Variants in ERICH3 observed in about 807,000 individuals in gnomAD.
ERICH3 encodes glutamate rich 3, also known as glutamate-rich protein 3.
In ERICH3, 126 loss-of-function variants were observed where a neutral mutation model predicts 131.1. The ratio of observed to expected loss-of-function variants is 0.96; its 90% CI spans 0.83 to 1.11. ERICH3 has a LOEUF of 1.11. Ranked by LOEUF, ERICH3 falls within the 50% of genes most tolerant of loss-of-function variation. The pLI is 0.00. For synonymous variants in ERICH3, 695 were observed against 644.6 expected, an observed-to-expected ratio of 1.08 and a Z score of -1.18; for missense variants, 2,050 against 1,810.7, an observed-to-expected ratio of 1.13 and a Z score of -2.40.
intron 1 of ERICH3, among the ~76,000 whole-genome samples, chr1:74,660,499 A>G (rs1204665168): frequency 1.3e-5 from 2 of 151,186 alleles, no homozygotes; most frequent in Admixed American, 1.3e-4. Context: ...ACAGTCTTTT[A>G]TAGATACAAA....
intron 11 of ERICH3, among the ~76,000 whole-genome samples, chr1:74,594,876 A>G (rs1391926393): frequency 1.3e-5 from 2 of 152,126 alleles, no homozygotes; most frequent in Non-Finnish European, 2.9e-5. Flanking sequence ...CCTGATTTTA[A>G]CTACTTTGTT....
chr1:74,655,694 T>C (rs1459392580), intron 1 of ERICH3, among the ~76,000 whole-genome samples: 1 of 152,178 alleles, frequency 6.6e-6, no homozygotes, highest in Non-Finnish European at 1.5e-5. Context: ...ATCCACATGC[T>C]CTGAAGGCTA....
chr1:74,576,774 A>C, intron 13 of ERICH3, 121 bp downstream of exon 13: 1 of 880,850 alleles, frequency 1.1e-6, no homozygotes, highest in South Asian at 1.8e-5. Context: ...CACTTCTTAA[A>C]AGTCATTCAA....
At chr1:74,605,297 T>G (rs924093055) in intron 10 of ERICH3, among the ~76,000 whole-genome samples, 7 of 151,946 alleles carry the variant, frequency 4.6e-5, no homozygotes, top group African/African-American at 1.4e-4. Flanking sequence ...GCTAGTTAGA[T>G]CTTCTATTGA....
Position 74,571,127 on chromosome 1 carries a change from A to G in ERICH3, c.4583T>C (p.Val1528Ala), listed in dbSNP as rs1646934684. The G allele has an allele frequency of 6.2e-7, 1 of 1,613,166 alleles. No individual in the cohort carries two copies. The highest frequency in any genetic ancestry group is 8.5e-7 in the Non-Finnish European group (1 of 1,179,582). ...SETADVSPNNVQV is the reference protein window; with the variant it reads ...SETADVSPNNAQV ...CTGCCAGCAAGTCTCCTAGACCTGC[A>G]CGTTGTTGGGGGAAACATCTGCAGT... Residue 1528 changes from valine (V) to alanine (A), a missense_variant, in exon 14 of 15, where the codon GTG becomes GCG. Coordinates refer to ENST00000326665, the MANE Select transcript of ERICH3 (RefSeq NM_001002912.5).
chr1:74,635,773 G>A (rs1420491551), intron 6 of ERICH3, among the ~76,000 whole-genome samples: 1 of 152,132 alleles, frequency 6.6e-6, no homozygotes, highest in Non-Finnish European at 1.5e-5. Context: ...AAGCTCCTAT[G>A]TGTGATAAAC....
rs562742225 is a variant in ERICH3, at chr1:74,624,527, G to C, written c.820-3613C>G. On this transcript the variant is annotated intron_variant, in intron 7 of 14. Transcript: ENST00000326665. ...TAGTTACTCTTTTCATTTTCTTTTG[G>C]GCCATTTTTCTTACTACTGTGTAAA... The C allele has an allele frequency of 3.3e-5, 5 of 151,872 alleles. No individual in the cohort carries two copies. In the East Asian group the frequency reaches 9.7e-4, roughly 29 times the overall value. The allele number at this position is 151,872 out of a possible 1,614,324, so 9.4% of individuals were successfully genotyped here. A position where few individuals can be genotyped will look rare whatever the true frequency, so the allele number is the denominator to read the frequency against.
chr1:74,630,499 G>A lies in ERICH3; in HGVS notation c.819+1214C>T, dbSNP rs116641513. ...ATTCCAGACTCCTTCATTCTGAGCT[G>A]TTCCTCCACTCTGGGTCCTAGAATT... On this transcript the variant is annotated intron_variant, in intron 7 of 14. Coordinates refer to ENST00000326665, the MANE Select transcript of ERICH3 (RefSeq NM_001002912.5). 6.5e-3 allele frequency among the ~76,000 whole-genome samples: 986 copies of A among 152,256 alleles called. 9 individuals are homozygous for A. The highest frequency in any genetic ancestry group is 0.023 in the African/African-American group (950 of 41,552).
At chr1:74,627,227 C>A (rs147766563) in intron 7 of ERICH3, among the ~76,000 whole-genome samples, 16 of 151,990 alleles carry the variant, frequency 1.1e-4, no homozygotes, top group African/African-American at 3.9e-4. Context: ...ATGACTACAT[C>A]TTGAATAGAA....
At chr1:74,588,062 T>C (rs1647415925) in intron 12 of ERICH3, among the ~76,000 whole-genome samples, 1 of 152,322 alleles carries the variant, frequency 6.6e-6, no homozygotes, top group Non-Finnish European at 1.5e-5. Context: ...TAGTAGTGGT[T>C]TGGCCCCTGG....
At chr1:74,651,799 T>C (rs1646537001) in intron 1 of ERICH3, among the ~76,000 whole-genome samples, 1 of 152,144 alleles carries the variant, frequency 6.6e-6, no homozygotes, top group African/African-American at 2.4e-5. Context: ...AACCTCAACT[T>C]CCCTATTGAC....
chr1:74,606,781 ACT>A lies in ERICH3; in HGVS notation c.1307_1308del (p.Glu436ValfsTer8). 3 of 1,612,560 alleles carry A rather than the reference ACT, an allele frequency of 1.9e-6. No individual in the cohort carries two copies. The highest frequency in any genetic ancestry group is 2.5e-6 in the Non-Finnish European group (3 of 1,179,372). On this transcript the variant is annotated frameshift_variant, in exon 10 of 15. Transcript: ENST00000326665. LOFTEE classifies it high-confidence loss of function. ...ATCTCATTTCTTTTTGGTATCACAT[ACT>A]CTCTCTCTTTCCTCACTTTCCCCTC... Reference protein sequence around the residue: ...KAEGKVRKEREYVIPKRNEIK... With the variant: ...KAEGKVRKERXYVIPKRNEIK...
At chr1:74,584,813 A>G (rs1647258287) in intron 12 of ERICH3, among the ~76,000 whole-genome samples, 1 of 152,114 alleles carries the variant, frequency 6.6e-6, no homozygotes, top group Admixed American at 6.5e-5. Context: ...TCCTCAGCAA[A>G]TATTTAGGGA....
At chr1:74,638,955 C>T (rs910557455) in intron 5 of ERICH3, among the ~76,000 whole-genome samples, 1 of 152,068 alleles carries the variant, frequency 6.6e-6, no homozygotes, top group Non-Finnish European at 1.5e-5. Context: ...GGGGAGGAGA[C>T]CCTTTTGTTT....
intron 12 of ERICH3, among the ~76,000 whole-genome samples, chr1:74,584,804 C>A (rs1291517414): frequency 6.6e-6 from 1 of 152,154 alleles, no homozygotes; most frequent in Non-Finnish European, 1.5e-5. Flanking sequence ...TAAAGCAGAT[C>A]CTCAGCAAAT....
At chr1:74,574,688 A>G (rs1243898631) in intron 13 of ERICH3, among the ~76,000 whole-genome samples, 8 of 152,212 alleles carry the variant, frequency 5.3e-5, no homozygotes, top group Admixed American at 5.2e-4. Context: ...TGCACAAGCT[A>G]TCATAGTTCA....
At chr1:74,673,851 T>G, upstream of ERICH3, 2 of 284,006 alleles carry the variant, frequency 7.0e-6, no homozygotes, top group Non-Finnish European at 6.4e-6. Flanking sequence ...TTCTGGGCCC[T>G]GATAGGGAGG....
intron 1 of ERICH3, among the ~76,000 whole-genome samples, chr1:74,663,577 G>A (rs1646661844): frequency 6.8e-6 from 1 of 147,038 alleles, no homozygotes; most frequent in Non-Finnish European, 1.5e-5. Flanking sequence ...ATAAAGGAAA[G>A]TCTAATGGAA....
chr1:74,637,608 T>C (rs1366703386), intron 5 of ERICH3, among the ~76,000 whole-genome samples: 1 of 152,096 alleles, frequency 6.6e-6, no homozygotes, highest in Admixed American at 6.6e-5. Flanking sequence ...TGAAAGAATA[T>C]TGTTAGTTTA....
Sources: allele counts gnomAD v4.1 joint callset (sites outside exome capture counted in the v4.1 genomes callset), GRCh38; gene constraint gnomAD v4.1.1; transcripts MANE v1.5; gene names NCBI Gene and HGNC (gene_info 2026-07-23, HGNC 2026-07-21).